Variants in NBPF10 observed in about 807,000 individuals in gnomAD.
The protein encoded by NBPF10 is NBPF family member NBPF10.
A neutral mutation model predicts 77.9 loss-of-function variants in NBPF10; 63 were observed. The ratio of observed to expected loss-of-function variants is 0.81; its 90% CI spans 0.66 to 1.00. The LOEUF (loss-of-function observed/expected upper bound fraction) is 1.00. Ranked by LOEUF, NBPF10 falls within the 50% of genes least tolerant of loss-of-function variation. The pLI is 0.00. For missense variants in NBPF10, 522 were observed against 679.8 expected (o/e 0.77, Z 2.58); for synonymous variants, 146 against 264.5 (o/e 0.55, Z 4.35).
rs1168236773 is a variant in NBPF10, at chr1:146,067,915, G to C, written c.11035+88C>G. 2.0e-5 allele frequency: 14 copies of C among 704,230 alleles called. No homozygotes were observed. In the African/African-American group the frequency reaches 2.2e-4, roughly 11 times the overall value. The allele number at this position is 704,230 out of a possible 1,614,324, so 43.6% of individuals were successfully genotyped here. ...CCTGCCTGCGGCAATGACGTCTCTC[G>C]GGTCAGCAAGGGCCACTTGGAATAG... On this transcript the variant is annotated intron_variant, in intron 88 of 89. Transcript: ENST00000583866.
intron 68 of NBPF10, among the ~76,000 whole-genome samples, chr1:146,083,308 TG>T (rs1273777710): frequency 9.0e-5 from 1 of 11,068 alleles, no homozygotes; most frequent in Non-Finnish European, 1.3e-4. Context: ...TTAAAGCAAA[TG>T]CCCCCAAATG....
At position 146,126,208 on chromosome 1, in the gene NBPF10, C is replaced by G. The variant is rs1658615450; in HGVS notation, c.2026+28G>C. 3 of 1,398,038 alleles carry G rather than the reference C, an allele frequency of 2.1e-6. No individual in the cohort carries two copies. In the African/African-American group the frequency reaches 4.3e-5, roughly 20 times the overall value. 86.6% of individuals were successfully genotyped at this position (1,398,038 alleles called of 1,614,324 possible). A position where few individuals can be genotyped will look rare whatever the true frequency, so the allele number is the denominator to read the frequency against. On this transcript the variant is annotated intron_variant, in intron 14 of 89. Transcript: ENST00000583866. Reference sequence around the variant, plus strand: ...CCCTAACCAGAAGACTCAGTGGATCCTTATCACCTTCATAGAAAGGTACTC... The same window carrying G: ...CCCTAACCAGAAGACTCAGTGGATCGTTATCACCTTCATAGAAAGGTACTC...
exon 89 of NBPF10, chr1:146,067,235 C>G (rs782346895): frequency 1.6e-5 from 9 of 551,896 alleles, no homozygotes; most frequent in East Asian, 1.3e-4. Context: ...CTTCTTCTTT[C>G]CTTCTTTGAT....
chr1:146,081,049 C>G (rs1313577246), intron 71 of NBPF10, among the ~76,000 whole-genome samples: 1 of 26,524 alleles, frequency 3.8e-5, no homozygotes, highest in Non-Finnish European at 1.2e-4. Flanking sequence ...AGAGAGAGAA[C>G]GAGCTCAGTG....
chr1:146,067,060 G>C (rs1655158303), intron 89 of NBPF10, 120 bp downstream of exon 89: 1 of 560,838 alleles, frequency 1.8e-6, no homozygotes, highest in Admixed American at 2.9e-5. Flanking sequence ...CAACAGCAAT[G>C]ACAGTAGGAG....
intron 19 of NBPF10, among the ~76,000 whole-genome samples, 173 bp from the exon 20 acceptor site, chr1:146,121,843 A>T (rs1314892097): frequency 6.7e-6 from 1 of 148,632 alleles, no homozygotes; most frequent in Non-Finnish European, 1.5e-5. Flanking sequence ...CAGGTAGAAA[A>T]CAATGAAAGA....
At chr1:146,081,030 CAG>C (rs1174335533) in intron 71 of NBPF10, among the ~76,000 whole-genome samples, 3,311 of 34,792 alleles carry the variant, frequency 0.095, 63 homozygotes, top group African/African-American at 0.12. Flanking sequence ...CACACACACA[CAG>C]AGAGAGAGAG....
At chr1:146,067,840 G>C (rs1351969276) in intron 88 of NBPF10, among the ~76,000 whole-genome samples, 163 bp downstream of exon 88, 21 of 151,992 alleles carry the variant, frequency 1.4e-4, no homozygotes, top group African/African-American at 5.1e-4. Context: ...TCATGTCTAG[G>C]CTTCCAGCTG....
At chr1:146,125,704 T>C (rs1231037720) in intron 14 of NBPF10, among the ~76,000 whole-genome samples, 188 bp from the exon 15 acceptor site, 2 of 131,946 alleles carry the variant, frequency 1.5e-5, no homozygotes, top group Admixed American at 1.6e-4. Context: ...TCCCAGAAAC[T>C]GTGGGTAAAA....
At chr1:146,142,566 C>T (rs1553797826) in intron 2 of NBPF10, 84 bp downstream of exon 2, 5 of 672,960 alleles carry the variant, frequency 7.4e-6, no homozygotes, top group African/African-American at 5.1e-5. Flanking sequence ...GGCCCAGCTT[C>T]GTTCTTACTT....
At chr1:146,072,749 C>A in exon 82 of NBPF10, 1 of 77,752 alleles carries the variant, frequency 1.3e-5, no homozygotes. Flanking sequence ...AAGAGCCAAG[C>A]CAAGGTACTG....
intron 89 of NBPF10, among the ~76,000 whole-genome samples, chr1:146,066,799 G>A (rs1343397715): frequency 6.6e-6 from 1 of 152,106 alleles, no homozygotes; most frequent in Non-Finnish European, 1.5e-5. Flanking sequence ...CAGAGAGAAA[G>A]TGACCTAGTG....
intron 14 of NBPF10, 65 bp downstream of exon 14, chr1:146,126,171 G>T: frequency 5.5e-6 from 5 of 907,064 alleles, no homozygotes; most frequent in Non-Finnish European, 3.7e-6. Flanking sequence ...GCCACTTGCA[G>T]TAGGAATATG....
chr1:146,109,345 CAG>C (rs782284106), intron 35 of NBPF10, among the ~76,000 whole-genome samples: 1,645 of 62,954 alleles, frequency 0.026, 10 homozygotes, highest in African/African-American at 0.045. Context: ...CACACACACA[CAG>C]AGAGAGAGAG....
chr1:146,125,898 G>T (rs1179994816), intron 14 of NBPF10, among the ~76,000 whole-genome samples: 3 of 151,330 alleles, frequency 2.0e-5, no homozygotes, highest in Admixed American at 6.6e-5. Flanking sequence ...GATTTTAGAC[G>T]CTGAAATTAG....
chr1:146,125,980 C>T (rs1174131787), intron 14 of NBPF10, among the ~76,000 whole-genome samples: 3 of 151,586 alleles, frequency 2.0e-5, no homozygotes, highest in African/African-American at 4.8e-5. Flanking sequence ...GTCATATCTG[C>T]CCAGATCCAA....
chr1:146,125,671 C>G (rs1389609484), intron 14 of NBPF10, among the ~76,000 whole-genome samples, 155 bp from the exon 15 acceptor site: 1 of 128,690 alleles, frequency 7.8e-6, no homozygotes, highest in African/African-American at 2.9e-5. Context: ...AGGCTGATCA[C>G]CACAGAGATT....
In NBPF10 at chr1:146,073,068, T is replaced by A. The variant is rs1274212323; in HGVS notation, c.10131-167A>T. On this transcript the variant is annotated intron_variant, in intron 81 of 89. Coordinates refer to ENST00000583866, the Ensembl canonical transcript of NBPF10. ...TATGTTGGGATAGACCAGGGCCAGGTAGAAAAGAATGAAAGAGAAAGACAG... is the reference window on the plus strand; with the variant it reads ...TATGTTGGGATAGACCAGGGCCAGGAAGAAAAGAATGAAAGAGAAAGACAG... 4.9e-5 allele frequency among the ~76,000 whole-genome samples: 3 copies of A among 60,768 alleles called. 1 individual carries two copies. Among genetic ancestry groups the A allele is most frequent in the African/African-American group, 3.4e-4 (3 of 8,848 alleles). The allele number at this position is 60,768 out of a possible 152,430, so 39.9% of individuals were successfully genotyped here.
At chr1:146,069,927 C>G (rs1655662385) in intron 85 of NBPF10, among the ~76,000 whole-genome samples, 1 of 106,814 alleles carries the variant, frequency 9.4e-6, no homozygotes. Flanking sequence ...GAGACAGAGA[C>G]AGAGACAGAG....
Sources: allele counts gnomAD v4.1 joint callset (sites outside exome capture counted in the v4.1 genomes callset), GRCh38; gene constraint gnomAD v4.1.1; transcripts MANE v1.5; gene names NCBI Gene and HGNC (gene_info 2026-07-23, HGNC 2026-07-21).